The following CHSY3 variants were observed in gnomAD, a reference collection of about 807,000 sequenced individuals.
CHSY3 encodes the protein N-acetylgalactosaminyl-proteoglycan 3-beta-glucuronosyltransferase 3.
A neutral mutation model predicts 67.2 loss-of-function variants in CHSY3; 35 were observed. The observed-to-expected ratio is 0.52, with a 90% confidence interval of 0.40 to 0.69. The LOEUF (loss-of-function observed/expected upper bound fraction) is 0.69, where lower values mean the gene tolerates loss of function less well. Among genes scored for constraint, CHSY3 ranks in the 30% least tolerant of loss-of-function variants. The probability of loss-of-function intolerance (pLI) is 0.00; values close to 1 mark genes in which losing one functional copy is unlikely to be tolerated. For synonymous variants in CHSY3, 474 were observed against 434.7 expected (o/e 1.09, Z -1.12); for missense variants, 1,069 against 1,138.5 (o/e 0.94, Z 0.88).
chr5:129,966,328 G>T (rs1288889946), intron 2 of CHSY3, among the ~76,000 whole-genome samples: 2 of 151,914 alleles, frequency 1.3e-5, no homozygotes, highest in East Asian at 3.9e-4. Flanking sequence ...TCAGTGCACA[G>T]CTCAGCAGGT....
chr5:130,097,254 G>A (rs116471071), intron 2 of CHSY3, among the ~76,000 whole-genome samples: 1,874 of 152,244 alleles, frequency 0.012, 33 homozygotes, highest in African/African-American at 0.042. Context: ...TCCTATTTCC[G>A]AAACCAGGCA....
chr5:130,161,197 A>T (rs898059665), intron 2 of CHSY3, among the ~76,000 whole-genome samples: 1 of 151,912 alleles, frequency 6.6e-6, no homozygotes, highest in Non-Finnish European at 1.5e-5. Flanking sequence ...AGCCACCACG[A>T]CCAGCCGATA....
chr5:129,941,696 T>A (rs1761704895), intron 2 of CHSY3, among the ~76,000 whole-genome samples: 1 of 152,134 alleles, frequency 6.6e-6, no homozygotes. Context: ...CAGAATACTA[T>A]GACAAAAGCA....
chr5:130,054,920 G>T (rs1314240233), intron 2 of CHSY3, among the ~76,000 whole-genome samples: 2 of 152,062 alleles, frequency 1.3e-5, no homozygotes, highest in African/African-American at 2.4e-5. Context: ...CAGCCACCTG[G>T]GGAATTTACT....
At chr5:129,916,303 A>G (rs932643108) in intron 2 of CHSY3, among the ~76,000 whole-genome samples, 8 of 152,184 alleles carry the variant, frequency 5.3e-5, no homozygotes, top group Admixed American at 2.6e-4. Flanking sequence ...AGGAGGGTAG[A>G]CATTAAATAT....
chr5:130,027,245 C>G (rs1764572241), intron 2 of CHSY3, among the ~76,000 whole-genome samples: 1 of 152,036 alleles, frequency 6.6e-6, no homozygotes. Context: ...AGGATTTACT[C>G]TTTCATTTGA....
chr5:130,128,381 A>G (rs775700369), intron 2 of CHSY3, among the ~76,000 whole-genome samples: 4 of 152,032 alleles, frequency 2.6e-5, no homozygotes, highest in Non-Finnish European at 5.9e-5. Context: ...GCTAACATGG[A>G]TGGACTTGGA....
chr5:129,956,271 C>T (rs1762170559), intron 2 of CHSY3, among the ~76,000 whole-genome samples: 1 of 152,052 alleles, frequency 6.6e-6, no homozygotes, highest in Admixed American at 6.6e-5. Context: ...GATGGTATCT[C>T]ATTGTGGGTT....
intron 2 of CHSY3, among the ~76,000 whole-genome samples, chr5:130,156,578 G>A (rs1041053501): frequency 6.6e-6 from 1 of 152,214 alleles, no homozygotes; most frequent in Non-Finnish European, 1.5e-5. Context: ...TGGATTTGTG[G>A]CACCAGCCTG....
At chr5:130,118,516 T>C (rs1246127060) in intron 2 of CHSY3, among the ~76,000 whole-genome samples, 1 of 151,708 alleles carries the variant, frequency 6.6e-6, no homozygotes, top group Non-Finnish European at 1.5e-5. Context: ...TATATATATA[T>C]ACAGACACAT....
chr5:130,169,780 C>T (rs1478570727), intron 2 of CHSY3, among the ~76,000 whole-genome samples: 1 of 151,442 alleles, frequency 6.6e-6, no homozygotes, highest in Non-Finnish European at 1.5e-5. Flanking sequence ...TATTTGAAAG[C>T]GTTCAAAACT....
intron 2 of CHSY3, among the ~76,000 whole-genome samples, chr5:129,978,644 A>AT (rs1373389692): frequency 2.6e-5 from 4 of 152,170 alleles, no homozygotes; most frequent in Non-Finnish European, 5.9e-5. Flanking sequence ...TAATGAAGAT[A>AT]AGCCTATAAT....
chr5:130,106,154 C>G (rs1181074450), intron 2 of CHSY3, among the ~76,000 whole-genome samples: 1 of 151,676 alleles, frequency 6.6e-6, no homozygotes, highest in African/African-American at 2.4e-5. Context: ...TGTTATTTTA[C>G]TGTACCACGT....
intron 2 of CHSY3, among the ~76,000 whole-genome samples, chr5:130,020,308 T>A (rs189046721): frequency 2.0e-5 from 3 of 151,370 alleles, no homozygotes; most frequent in African/African-American, 7.3e-5. Context: ...GTAGTCCAGC[T>A]ACTCGGGAGG....
At chr5:130,031,612 T>C (rs977426859) in intron 2 of CHSY3, among the ~76,000 whole-genome samples, 7 of 152,178 alleles carry the variant, frequency 4.6e-5, no homozygotes, top group African/African-American at 1.7e-4. Flanking sequence ...TTGGTTGATA[T>C]GTGCAGGGGA....
rs150687898 is a variant in CHSY3, at chr5:130,117,031, T to C, written c.1087-67198T>C. Among the ~76,000 whole-genome samples the C allele has an allele frequency of 9.3e-3, 1,418 of 152,268 alleles. 27 individuals carry two copies. Among genetic ancestry groups the C allele is most frequent in the African/African-American group, 0.033 (1,355 of 41,544 alleles). On this transcript the variant is annotated intron_variant, in intron 2 of 2. Transcript: ENST00000305031. The stretch of plus-strand genomic sequence containing the variant: ...ATGCAGAGCATCCTAATTCTTGCAG[T>C]GTATCCTTTCAGTACCTACCAATCT...
At chr5:129,955,923 T>A (rs951418614) in intron 2 of CHSY3, among the ~76,000 whole-genome samples, 3 of 152,226 alleles carry the variant, frequency 2.0e-5, no homozygotes, top group Non-Finnish European at 4.4e-5. Flanking sequence ...TACCACATTC[T>A]CTTTATCCAG....
intron 2 of CHSY3, among the ~76,000 whole-genome samples, chr5:130,081,999 C>T (rs1766461637): frequency 6.6e-6 from 1 of 151,972 alleles, no homozygotes; most frequent in Admixed American, 6.6e-5. Context: ...ACTTATAGCT[C>T]TATAATTAAA....
intron 2 of CHSY3, among the ~76,000 whole-genome samples, chr5:129,956,792 C>A (rs1762188451): frequency 6.6e-6 from 1 of 151,706 alleles, no homozygotes; most frequent in Admixed American, 6.6e-5. Context: ...AGCATTATTT[C>A]TGGGCTCTCT....
Sources: gnomAD v4.1 joint callset for allele counts (sites outside exome capture counted in the v4.1 genomes callset) on GRCh38, gnomAD v4.1.1 for gene constraint, MANE v1.5 for transcripts, NCBI Gene and HGNC (gene_info 2026-07-23, HGNC 2026-07-21) for gene names.